The following CADPS variants were observed in gnomAD, a reference collection of about 807,000 sequenced individuals.
CADPS encodes calcium-dependent secretion activator 1.
Under a neutral mutation model 167.3 loss-of-function variants are expected in CADPS, and 57 were observed. The ratio of observed to expected loss-of-function variants is 0.34; its 90% CI spans 0.28 to 0.42. CADPS has a LOEUF of 0.42. Among genes scored for constraint, CADPS ranks in the 20% least tolerant of loss-of-function variants. The pLI, the probability that CADPS is intolerant of heterozygous loss-of-function variation, is 1.00. For missense variants in CADPS, 1,414 were observed against 1,738.1 expected, an observed-to-expected ratio of 0.81 and a Z score of 3.32; for synonymous variants, 676 against 635.3, an observed-to-expected ratio of 1.06 and a Z score of -0.96.
chr3:62,833,685 T>C (rs774953910), intron 1 of CADPS, among the ~76,000 whole-genome samples: 1 of 151,986 alleles, frequency 6.6e-6, no homozygotes, highest in Non-Finnish European at 1.5e-5. Flanking sequence ...ACTGCAGTGC[T>C]TTCAAATCCT....
Position 62,753,387 on chromosome 3 carries a change from T to C in CADPS, c.888+54A>G. 1 of 1,281,964 alleles carries C rather than the reference T, an allele frequency of 7.8e-7. No homozygotes were observed. Among genetic ancestry groups the C allele is most frequent in the Non-Finnish European group, 1.1e-6 (1 of 912,862 alleles). The allele number at this position is 1,281,964 out of a possible 1,614,324, so 79.4% of individuals were successfully genotyped here. ...AAATCAAGAAGTATCTCATAGAAGT[T>C]GGAATGCAGCTCTGCTTACCCACAG... On this transcript the variant is annotated intron_variant, in intron 3 of 29. Transcript: ENST00000383710. The surrounding 1 kb of genome is among the most constrained non-coding windows in gnomAD (Gnocchi z 4.6).
chr3:62,660,549 G>A (rs2072944189), intron 4 of CADPS, among the ~76,000 whole-genome samples: 1 of 152,166 alleles, frequency 6.6e-6, no homozygotes, highest in South Asian at 2.1e-4. Context: ...AACTGCTTAA[G>A]CACAGGGGGA....
At position 62,874,726 on chromosome 3, in the gene CADPS, T is replaced by G; in HGVS notation, c.304A>C (p.Lys102Gln). Reference protein sequence around the residue: ...PSPSVVSEKEKEELERLQKEE... With the variant: ...PSPSVVSEKEQEELERLQKEE... Reference sequence around the variant, plus strand: ...TTCTGCAGCCGCTCCAACTCTTCCTTCTCCTTCTCGCTCACCACCGACGGG... The same window carrying G: ...TTCTGCAGCCGCTCCAACTCTTCCTGCTCCTTCTCGCTCACCACCGACGGG... The change falls in exon 1 of 30, where the codon AAG becomes CAG. Residue 102 changes from lysine (K) to glutamine (Q), a missense_variant. Lys to Gln is a moderately conservative substitution (Grantham distance 53). Coordinates refer to ENST00000383710, the MANE Select transcript of CADPS (RefSeq NM_003716.4). The surrounding 1 kb of genome is among the most constrained non-coding windows in gnomAD (Gnocchi z 7.1). 1 of 1,530,226 alleles carries G rather than the reference T, an allele frequency of 6.5e-7. No individual in the cohort carries two copies. The highest frequency in any genetic ancestry group is 8.9e-7 in the Non-Finnish European group (1 of 1,128,120). 94.8% of individuals were successfully genotyped at this position (1,530,226 alleles called of 1,614,324 possible).
intron 1 of CADPS, among the ~76,000 whole-genome samples, chr3:62,803,500 T>C (rs2093905645): frequency 6.6e-6 from 1 of 152,058 alleles, no homozygotes; most frequent in South Asian, 2.1e-4. Context: ...GCTGTGTTGC[T>C]GCCTAACATC....
At chr3:62,770,512 G>A (rs1362311584) in intron 1 of CADPS, among the ~76,000 whole-genome samples, 1 of 152,020 alleles carries the variant, frequency 6.6e-6, no homozygotes, top group African/African-American at 2.4e-5. Context: ...TGCAAACTCC[G>A]CCTCCTAGGT....
chr3:62,797,682 G>A (rs1188512311), intron 1 of CADPS, among the ~76,000 whole-genome samples: 4 of 152,074 alleles, frequency 2.6e-5, no homozygotes, highest in Middle Eastern at 3.4e-3. Context: ...AAGGTGGGAG[G>A]AGAGAGAGGA....
intron 7 of CADPS, 69 bp downstream of exon 7, chr3:62,592,568 C>A (rs2086294267): frequency 8.7e-7 from 1 of 1,155,398 alleles, no homozygotes. Context: ...CTCTTGGTGA[C>A]CTGTGCACTG....
chr3:62,699,829 A>T (rs1014436733), intron 3 of CADPS, among the ~76,000 whole-genome samples: 1 of 152,080 alleles, frequency 6.6e-6, no homozygotes, highest in African/African-American at 2.4e-5. Context: ...TCGGCCTCCC[A>T]AAGTGCTGGG....
chr3:62,709,355 CAT>C (rs2082935641), intron 3 of CADPS, among the ~76,000 whole-genome samples: 1 of 152,164 alleles, frequency 6.6e-6, no homozygotes, highest in South Asian at 2.1e-4. Flanking sequence ...ATTAAAGAGA[CAT>C]GTGCTTAAAT....
intron 3 of CADPS, among the ~76,000 whole-genome samples, chr3:62,715,587 T>C (rs2084363022): frequency 6.6e-6 from 1 of 150,954 alleles, no homozygotes; most frequent in Non-Finnish European, 1.5e-5. Flanking sequence ...GCAGATAAAG[T>C]CCTTAAATAA....
intron 1 of CADPS, among the ~76,000 whole-genome samples, chr3:62,769,256 CAG>C (rs1411190716): frequency 6.7e-6 from 1 of 149,682 alleles, no homozygotes; most frequent in Non-Finnish European, 1.5e-5. Context: ...AACAAAAAAA[CAG>C]AGTCTCACTG....
At chr3:62,466,972 C>A (rs914171870) in intron 24 of CADPS, among the ~76,000 whole-genome samples, 28 of 152,304 alleles carry the variant, frequency 1.8e-4, no homozygotes, top group African/African-American at 6.5e-4. Flanking sequence ...TTTCTGAACT[C>A]TTGTGGCAAG....
intron 9 of CADPS, among the ~76,000 whole-genome samples, chr3:62,564,993 G>A (rs1250707093): frequency 2.0e-5 from 3 of 152,196 alleles, no homozygotes; most frequent in Non-Finnish European, 4.4e-5. Context: ...TGGGTGATAA[G>A]TTGGCCTGTT....
At chr3:62,721,522 C>G (rs189532818) in intron 3 of CADPS, among the ~76,000 whole-genome samples, 3 of 152,190 alleles carry the variant, frequency 2.0e-5, no homozygotes, top group Admixed American at 6.5e-5. Context: ...CTAAGAGATT[C>G]AGAAAACACT....
Position 62,620,128 on chromosome 3 carries a change from A to G in CADPS, c.1325+25594T>C, listed in dbSNP as rs557012175. ...GGATCTGTTCATATCATTAGGTTTCATTTAACCGTATTGGAAAGAGAATCA... is the reference window on the plus strand; with the variant it reads ...GGATCTGTTCATATCATTAGGTTTCGTTTAACCGTATTGGAAAGAGAATCA... On this transcript the variant is annotated intron_variant, in intron 6 of 29. Coordinates refer to ENST00000383710, the MANE Select transcript of CADPS (RefSeq NM_003716.4). 1.2e-4 allele frequency among the ~76,000 whole-genome samples: 18 copies of G among 152,034 alleles called. No homozygotes were observed. The South Asian group carries it at 3.5e-3, about 30-fold the overall frequency.
intron 1 of CADPS, chr3:62,779,503 C>T (rs1339545734): frequency 1.9e-6 from 1 of 537,836 alleles, no homozygotes; most frequent in Non-Finnish European, 3.8e-6. Context: ...CCTTCTCTGG[C>T]TTCAATCTTC....
chr3:62,440,987 T>C (rs554001998), intron 27 of CADPS: 1 of 152,292 alleles, frequency 6.6e-6, no homozygotes, highest in South Asian at 2.1e-4. Context: ...TTATAGTCAG[T>C]ACCCTGTTTA....
intron 1 of CADPS, among the ~76,000 whole-genome samples, chr3:62,816,367 T>C (rs543367978): frequency 6.6e-6 from 1 of 152,132 alleles, no homozygotes; most frequent in East Asian, 1.9e-4. Flanking sequence ...TCAAATAAAT[T>C]TGTTTACAAA....
chr3:62,414,314 C>T (rs2049579593), intron 28 of CADPS, among the ~76,000 whole-genome samples: 1 of 152,202 alleles, frequency 6.6e-6, no homozygotes, highest in Admixed American at 6.5e-5. Flanking sequence ...AAAAGGGCAA[C>T]AGCTCTCCAT....
Sources: gnomAD v4.1 joint callset for allele counts (sites outside exome capture counted in the v4.1 genomes callset) on GRCh38, gnomAD v4.1.1 for gene constraint, Gnocchi (gnomAD v3.1) non-coding constraint, MANE v1.5 for transcripts, NCBI Gene and HGNC (gene_info 2026-07-23, HGNC 2026-07-21) for gene names.